EPG5: variants seen among roughly 807,000 people sequenced by gnomAD.
The protein encoded by EPG5 is ectopic P-granules 5 autophagy tethering factor, also known as ectopic P granules protein 5 homolog.
A neutral mutation model predicts 302.7 loss-of-function variants in EPG5; 159 were observed. The observed-to-expected ratio is 0.53, with a 90% CI of 0.46 to 0.60. The LOEUF is 0.60. Among genes scored for constraint, EPG5 ranks in the 20% least tolerant of loss-of-function variants. The pLI is 0.00. For missense variants in EPG5, 2,896 were observed against 3,092.4 expected (o/e 0.94, Z 1.51); for synonymous variants, 1,158 against 1,136.8 (o/e 1.02, Z -0.37).
In EPG5 at chr18:45,850,638, TAA is replaced by T. The variant is rs1050256403; in HGVS notation, c.*1827_*1828del. 1 of 152,538 alleles carries T rather than the reference TAA, an allele frequency of 6.6e-6. No individual in the cohort carries two copies. The highest frequency in any genetic ancestry group is 2.4e-5 in the African/African-American group (1 of 41,448). 9.4% of individuals were successfully genotyped at this position (152,538 alleles called of 1,614,324 possible). A position where few individuals can be genotyped will look rare whatever the true frequency, so the allele number is the denominator to read the frequency against. ...TGTGATATCCCTATAATTTGGTTTTTAAACAGTTACAACCAAAGATAAATGAT... is the reference window on the plus strand; with the variant it reads ...TGTGATATCCCTATAATTTGGTTTTTACAGTTACAACCAAAGATAAATGAT... On this transcript the variant is annotated 3_prime_UTR_variant, in exon 44 of 44. Coordinates refer to ENST00000282041, the MANE Select transcript of EPG5 (RefSeq NM_020964.3).
intron 1 of EPG5, among the ~76,000 whole-genome samples, chr18:45,956,597 C>G (rs2051037905): frequency 6.6e-6 from 1 of 151,966 alleles, no homozygotes; most frequent in South Asian, 2.1e-4. Context: ...GCTGGGACTA[C>G]AGGCACCTGA....
intron 35 of EPG5, among the ~76,000 whole-genome samples, chr18:45,872,716 C>T (rs1330357901): frequency 6.6e-6 from 1 of 152,006 alleles, no homozygotes; most frequent in Non-Finnish European, 1.5e-5. Flanking sequence ...AAAAAAAAGC[C>T]AATGAGCATC....
chr18:45,920,777 G>A lies in EPG5; in HGVS notation c.3098+1564C>T, dbSNP rs377180295. Among the ~76,000 whole-genome samples the A allele has an allele frequency of 1.7e-4, 26 of 152,266 alleles. No homozygotes were observed. In the South Asian group the frequency reaches 5.2e-3, roughly 30 times the overall value. Reference sequence around the variant, plus strand: ...CATTAGGTTCCATCTCCAACACTGGGGATCAAATGTCAACATGAGGTTTAG... The same window carrying A: ...CATTAGGTTCCATCTCCAACACTGGAGATCAAATGTCAACATGAGGTTTAG... On this transcript the variant is annotated intron_variant, in intron 16 of 43. Coordinates refer to ENST00000282041, the MANE Select transcript of EPG5 (RefSeq NM_020964.3).
intron 34 of EPG5, among the ~76,000 whole-genome samples, 155 bp from the exon 35 acceptor site, chr18:45,876,497 C>A (rs755304759): frequency 5.3e-5 from 8 of 152,098 alleles, no homozygotes; most frequent in Non-Finnish European, 8.8e-5. Context: ...TAACTGCAGG[C>A]GAATTGTAGC....
chr18:45,909,434 G>C (rs1012976598), intron 23 of EPG5, among the ~76,000 whole-genome samples: 4 of 152,184 alleles, frequency 2.6e-5, no homozygotes, highest in Non-Finnish European at 5.9e-5. Flanking sequence ...GGCTGACAGA[G>C]AGTCGTAAAA....
chr18:45,831,216 G>A, the EPG5 span, among the ~76,000 whole-genome samples: 1 of 152,188 alleles, frequency 6.6e-6, no homozygotes, highest in South Asian at 2.1e-4. Flanking sequence ...TGCTACACTC[G>A]CCTGCTGCCG....
intron 2 of EPG5, among the ~76,000 whole-genome samples, chr18:45,954,157 G>C (rs2050971976): frequency 6.6e-6 from 1 of 152,222 alleles, no homozygotes; most frequent in Non-Finnish European, 1.5e-5. Context: ...CTTGAGAACG[G>C]CTGTCCCATC....
At chr18:45,845,102 G>C (rs1444145469), downstream of EPG5, among the ~76,000 whole-genome samples, 1 of 152,204 alleles carries the variant, frequency 6.6e-6, no homozygotes, top group Admixed American at 6.5e-5. Flanking sequence ...TGATTCTTAA[G>C]CTAACGGTTG....
the EPG5 span, chr18:45,837,812 C>A: frequency 6.5e-7 from 1 of 1,531,688 alleles, no homozygotes; most frequent in Non-Finnish European, 8.7e-7. Flanking sequence ...GGCTGACGAC[C>A]GCCGCTACTT....
intron 19 of EPG5, among the ~76,000 whole-genome samples, 173 bp from the exon 20 acceptor site, chr18:45,915,794 G>T (rs1038724088): frequency 3.3e-5 from 5 of 152,220 alleles, no homozygotes. Context: ...ACAGCCAAAT[G>T]TAACAAGCGG....
At position 45,951,151 on chromosome 18, in the gene EPG5, T is replaced by C. The variant is rs2050898848; in HGVS notation, c.1340A>G (p.Asn447Ser). ...SVLFMFTRRV[N>S]EDTQFHDDIL... ...ATCATCATGAAACTGAGTATCTTCA[T>C]TAACTCTCCTGGTGAACATGAATAA... The change falls in exon 4 of 44, where the codon AAT becomes AGT. Residue 447 changes from asparagine (N) to serine (S), a missense_variant. By Grantham distance (46) the Asn-to-Ser change is conservative. Transcript: ENST00000282041. The C allele has an allele frequency of 6.3e-7, 1 of 1,596,814 alleles. No individual in the cohort carries two copies. The highest frequency in any genetic ancestry group is 8.5e-7 in the Non-Finnish European group (1 of 1,173,144).
rs574700537 is a variant in EPG5 at position 45,917,188 on chromosome 18, C to T, written c.3239+491G>A. On this transcript the variant is annotated intron_variant, in intron 17 of 43. Coordinates refer to ENST00000282041, the MANE Select transcript of EPG5 (RefSeq NM_020964.3). ...TCCTCCATATGGGGTGAGGCCTCAC[C>T]TCCCCTTTCATCACTGTTCATGAGG... Among the ~76,000 whole-genome samples the T allele has an allele frequency of 3.0e-4, 46 of 152,248 alleles. 1 individual carries two copies. Among genetic ancestry groups the T allele is most frequent in the Admixed American group, 2.6e-3 (40 of 15,300 alleles).
At chr18:45,946,407 G>T (rs2050784999) in intron 7 of EPG5, among the ~76,000 whole-genome samples, 1 of 152,088 alleles carries the variant, frequency 6.6e-6, no homozygotes, top group South Asian at 2.1e-4. Context: ...CTAGAGAAGG[G>T]GTGCAGCACA....
At chr18:45,944,149 C>G (rs959324333) in intron 7 of EPG5, 30 bp from the exon 8 acceptor site, 2 of 1,324,554 alleles carry the variant, frequency 1.5e-6, no homozygotes, top group Non-Finnish European at 2.2e-6. Context: ...ATCATGTCAG[C>G]AGATTTGATC....
the EPG5 span, chr18:45,839,137 CG>C: frequency 3.0e-6 from 4 of 1,354,860 alleles, no homozygotes; most frequent in East Asian, 1.2e-4. Flanking sequence ...GGGGCCGGGC[CG>C]GGGCTCTCTG....
chr18:45,880,050 A>G (rs2049057181), intron 32 of EPG5, 25 bp downstream of exon 32: 1 of 1,516,548 alleles, frequency 6.6e-7, no homozygotes, highest in Non-Finnish European at 8.9e-7. Flanking sequence ...ATGCACAAAC[A>G]CGTCAGAGAC....
chr18:45,923,930 AAGC>A (rs2050211757), intron 14 of EPG5, among the ~76,000 whole-genome samples: 1 of 152,018 alleles, frequency 6.6e-6, no homozygotes, highest in African/African-American at 2.4e-5. Flanking sequence ...TGGAAGCCTG[AAGC>A]AGCAGAATTG....
At chr18:45,857,379 G>T (rs1222973337) in intron 42 of EPG5, among the ~76,000 whole-genome samples, 35 of 152,102 alleles carry the variant, frequency 2.3e-4, no homozygotes, top group Non-Finnish European at 1.2e-4. Flanking sequence ...CCAAAGTGCT[G>T]GGATTACAAG....
intron 36 of EPG5, 138 bp downstream of exon 36, chr18:45,870,429 G>C: frequency 3.3e-6 from 2 of 597,858 alleles, no homozygotes; most frequent in East Asian, 6.0e-5. Flanking sequence ...TTTTCCACAG[G>C]CACCACCGAG....
Sources: allele counts gnomAD v4.1 joint callset (sites outside exome capture counted in the v4.1 genomes callset), GRCh38; gene constraint gnomAD v4.1.1; transcripts MANE v1.5; gene names NCBI Gene and HGNC (gene_info 2026-07-23, HGNC 2026-07-21).